PLXNA4: variants seen among roughly 807,000 people sequenced by gnomAD.
PLXNA4 encodes the protein plexin A4.
A neutral mutation model predicts 191.8 loss-of-function variants in PLXNA4; 44 were observed. The observed-to-expected ratio is 0.23, with a 90% CI of 0.18 to 0.29. The LOEUF is 0.29. Among genes scored for constraint, PLXNA4 ranks in the 10% least tolerant of loss-of-function variants. The probability of loss-of-function intolerance (pLI) is 1.00; values close to 1 mark genes in which losing one functional copy is unlikely to be tolerated. For synonymous variants in PLXNA4, 1,082 were observed against 1,009.5 expected (o/e 1.07, Z -1.36); for missense variants, 1,800 against 2,488.8 (o/e 0.72, Z 5.89).
Position 132,254,779 on chromosome 7 carries a change from C to A in PLXNA4, c.1504-13613G>T, listed in dbSNP as rs566469716. Among the ~76,000 whole-genome samples the A allele has an allele frequency of 1.5e-4, 23 of 152,228 alleles. 1 individual carries two copies. In the East Asian group the frequency reaches 2.1e-3, roughly 14 times the overall value. On this transcript the variant is annotated intron_variant, in intron 4 of 31. Coordinates refer to ENST00000321063, the MANE Select transcript of PLXNA4 (RefSeq NM_020911.2). ...CAAGGGGTGAGTGGTGGTGGTGGTA[C>A]GGATAATGCATCCATTTCACATTTT...
intron 3 of PLXNA4, among the ~76,000 whole-genome samples, chr7:132,436,139 A>G (rs1300692721): frequency 6.6e-6 from 1 of 151,528 alleles, no homozygotes; most frequent in Non-Finnish European, 1.5e-5. Flanking sequence ...CAGCCTGGAG[A>G]CTCTGTCCCT....
intron 3 of PLXNA4, among the ~76,000 whole-genome samples, chr7:132,342,142 T>C (rs938813536): frequency 1.1e-4 from 17 of 151,592 alleles, no homozygotes; most frequent in African/African-American, 4.1e-4. Flanking sequence ...TCTCTTACTA[T>C]TCTTCCTTCC....
intron 2 of PLXNA4, among the ~76,000 whole-genome samples, chr7:132,606,882 G>T (rs1364333277): frequency 6.6e-6 from 1 of 152,142 alleles, no homozygotes; most frequent in Non-Finnish European, 1.5e-5. Flanking sequence ...CAAATCACGG[G>T]AAACAAGCTG....
upstream of PLXNA4, among the ~76,000 whole-genome samples, chr7:132,581,490 G>T (rs1802401543): frequency 6.6e-6 from 1 of 152,188 alleles, no homozygotes; most frequent in South Asian, 2.1e-4. Flanking sequence ...GCCACTGGTG[G>T]GTGTGCTTAG....
intron 3 of PLXNA4, among the ~76,000 whole-genome samples, chr7:132,329,399 GAA>G (rs916255397): frequency 2.0e-5 from 3 of 152,204 alleles, no homozygotes; most frequent in Admixed American, 6.5e-5. Context: ...CATTTTACAA[GAA>G]GAGAGTGAGT....
chr7:132,501,579 C>T (rs1478015871), intron 2 of PLXNA4, among the ~76,000 whole-genome samples: 1 of 152,188 alleles, frequency 6.6e-6, no homozygotes, highest in Non-Finnish European at 1.5e-5. Context: ...CCCAACACAT[C>T]GCCCAGGGCT....
At chr7:132,202,022 C>G (rs1797453850) in intron 12 of PLXNA4, among the ~76,000 whole-genome samples, 2 of 152,152 alleles carry the variant, frequency 1.3e-5, no homozygotes, top group Non-Finnish European at 2.9e-5. Context: ...GTGATTTAGC[C>G]CCAAGGTACT....
chr7:132,538,249 G>T (rs532338332), intron 1 of PLXNA4, among the ~76,000 whole-genome samples: 1 of 152,182 alleles, frequency 6.6e-6, no homozygotes, highest in Non-Finnish European at 1.5e-5. Flanking sequence ...AGCAAGAGAG[G>T]AAAGGAGTCC....
At chr7:132,393,502 C>T (rs1793608264) in intron 3 of PLXNA4, among the ~76,000 whole-genome samples, 1 of 152,150 alleles carries the variant, frequency 6.6e-6, no homozygotes, top group South Asian at 2.1e-4. Context: ...CCCTTCCTCC[C>T]AACAAGCTCA....
chr7:132,362,777 T>C lies in PLXNA4; in HGVS notation c.1372-64555A>G, dbSNP rs568061226. On this transcript the variant is annotated intron_variant, in intron 3 of 31. Coordinates refer to ENST00000321063, the MANE Select transcript of PLXNA4 (RefSeq NM_020911.2). ...CTTTTCTGAGTCACAGGCCCTATCA[T>C]TAAAAATAATAATAACAACAGGAAA... Among the ~76,000 whole-genome samples the C allele has an allele frequency of 2.0e-5, 3 of 152,300 alleles. No individual in the cohort carries two copies. The South Asian group carries it at 6.2e-4, about 32-fold the overall frequency.
At chr7:132,387,426 A>C (rs1283323608) in intron 3 of PLXNA4, among the ~76,000 whole-genome samples, 1 of 152,230 alleles carries the variant, frequency 6.6e-6, no homozygotes, top group East Asian at 1.9e-4. Context: ...GCCTTAACTA[A>C]GTTGGAGAGC....
At chr7:132,595,141 C>T (rs1375449629) in intron 2 of PLXNA4, among the ~76,000 whole-genome samples, 1 of 152,164 alleles carries the variant, frequency 6.6e-6, no homozygotes, top group East Asian at 1.9e-4. Context: ...CACAGTGAAC[C>T]CAACCACTTG....
At chr7:132,156,455 C>T (rs1342557183) in intron 25 of PLXNA4, among the ~76,000 whole-genome samples, 3 of 152,130 alleles carry the variant, frequency 2.0e-5, no homozygotes, top group African/African-American at 4.8e-5. Flanking sequence ...GGGACAATGA[C>T]GGGGTGGTGC....
chr7:132,274,753 T>C (rs1284227088), intron 4 of PLXNA4, among the ~76,000 whole-genome samples: 1 of 150,698 alleles, frequency 6.6e-6, no homozygotes, highest in Non-Finnish European at 1.5e-5. Context: ...TATTGTGCCC[T>C]TCTCAGTGCA....
intron 2 of PLXNA4, among the ~76,000 whole-genome samples, chr7:132,506,709 C>G (rs540925762): frequency 1.3e-5 from 2 of 152,152 alleles, no homozygotes; most frequent in Non-Finnish European, 2.9e-5. Context: ...CTGGGGTAAC[C>G]CAGCAAGGCC....
chr7:132,547,063 C>G (rs1459880301), intron 1 of PLXNA4, among the ~76,000 whole-genome samples: 1 of 152,160 alleles, frequency 6.6e-6, no homozygotes, highest in African/African-American at 2.4e-5. Flanking sequence ...AACTGAATTA[C>G]AGCAAGCTAG....
chr7:132,165,653 C>T (rs1400611005), intron 22 of PLXNA4, among the ~76,000 whole-genome samples: 2 of 151,570 alleles, frequency 1.3e-5, no homozygotes, highest in African/African-American at 2.4e-5. Context: ...ACATGTGGCT[C>T]ATAGCTATCC....
chr7:132,184,475 C>G (rs1028882025), intron 16 of PLXNA4, among the ~76,000 whole-genome samples: 9 of 152,188 alleles, frequency 5.9e-5, no homozygotes, highest in African/African-American at 2.2e-4. Flanking sequence ...CATGTGCTAG[C>G]CAGGGCCTGG....
intron 3 of PLXNA4, among the ~76,000 whole-genome samples, chr7:132,451,166 G>A (rs1448830524): frequency 6.6e-6 from 1 of 152,200 alleles, no homozygotes; most frequent in Non-Finnish European, 1.5e-5. Flanking sequence ...TAGACCACGA[G>A]GGACTCAGGG....
Sources: allele counts gnomAD v4.1 joint callset (sites outside exome capture counted in the v4.1 genomes callset), GRCh38; gene constraint gnomAD v4.1.1; transcripts MANE v1.5; gene names NCBI Gene and HGNC (gene_info 2026-07-23, HGNC 2026-07-21).